The following EML4 variants were observed in gnomAD, a reference collection of about 807,000 sequenced individuals.
EML4 encodes the protein echinoderm microtubule-associated protein-like 4.
Under a neutral mutation model 129.0 loss-of-function variants are expected in EML4, and 72 were observed. That is an observed-to-expected ratio of 0.56 (90% CI 0.46 to 0.68). The LOEUF (loss-of-function observed/expected upper bound fraction) is 0.68. Ranked by LOEUF, EML4 falls within the 30% of genes least tolerant of loss-of-function variation. The probability of loss-of-function intolerance (pLI) is 0.00; values close to 1 mark genes in which losing one functional copy is unlikely to be tolerated. For missense variants in EML4, 1,363 were observed against 1,190.6 expected (o/e 1.14, Z -2.13); for synonymous variants, 532 against 405.0 (o/e 1.31, Z -3.77).
chr2:42,265,886 G>A (rs144822916), intron 6 of EML4, among the ~76,000 whole-genome samples: 3 of 152,148 alleles, frequency 2.0e-5, no homozygotes, highest in Admixed American at 6.5e-5. Flanking sequence ...TGGCGAATGC[G>A]TATTTAATTT....
At chr2:42,329,618 T>C (rs986485107) in intron 22 of EML4, 116 bp from the exon 23 acceptor site, 18 of 757,560 alleles carry the variant, frequency 2.4e-5, no homozygotes, top group East Asian at 2.1e-4. Context: ...TGGCTTTAAA[T>C]TGGATTGCCC....
chr2:42,179,134 T>TG (rs1219731809), intron 1 of EML4, among the ~76,000 whole-genome samples: 1 of 152,180 alleles, frequency 6.6e-6, no homozygotes, highest in Non-Finnish European at 1.5e-5. Flanking sequence ...TCTCTGCATG[T>TG]GATACCCAGA....
At chr2:42,230,555 T>A (rs1674267910) in intron 1 of EML4, among the ~76,000 whole-genome samples, 1 of 152,074 alleles carries the variant, frequency 6.6e-6, no homozygotes, top group Non-Finnish European at 1.5e-5. Context: ...TACAGGTGTG[T>A]GCCACCATCC....
intron 5 of EML4, among the ~76,000 whole-genome samples, chr2:42,264,136 G>A (rs550684196): frequency 1.8e-5 from 2 of 111,554 alleles, no homozygotes; most frequent in African/African-American, 3.1e-5. Context: ...TTTTGAGACA[G>A]TGTCTCAGTC....
chr2:42,248,911 T>C (rs148281612), intron 2 of EML4, among the ~76,000 whole-genome samples: 12 of 152,296 alleles, frequency 7.9e-5, no homozygotes, highest in African/African-American at 2.9e-4. Context: ...TGGAAAAATA[T>C]GTCCAACTAA....
At chr2:42,222,295 G>T (rs947584184) in intron 1 of EML4, among the ~76,000 whole-genome samples, 1 of 151,806 alleles carries the variant, frequency 6.6e-6, no homozygotes, top group Non-Finnish European at 1.5e-5. Flanking sequence ...TTTCCATATC[G>T]GGTTGACAAA....
chr2:42,218,976 T>C (rs749518948), intron 1 of EML4, among the ~76,000 whole-genome samples: 1 of 152,196 alleles, frequency 6.6e-6, no homozygotes, highest in Non-Finnish European at 1.5e-5. Context: ...GTAAAAACTT[T>C]TAATGTAAGG....
intron 1 of EML4, among the ~76,000 whole-genome samples, chr2:42,194,131 AAGAT>A (rs1169888929): frequency 6.6e-6 from 1 of 152,248 alleles, no homozygotes; most frequent in Admixed American, 6.5e-5. Flanking sequence ...TATACACAAA[AAGAT>A]AGTCATCATA....
chr2:42,290,284 G>A (rs1667560637), intron 11 of EML4, among the ~76,000 whole-genome samples: 1 of 152,022 alleles, frequency 6.6e-6, no homozygotes, highest in Non-Finnish European at 1.5e-5. Flanking sequence ...CTATAGATGA[G>A]CTCCATCCTT....
intron 6 of EML4, among the ~76,000 whole-genome samples, chr2:42,267,797 T>A (rs1231885155): frequency 4.6e-5 from 7 of 152,168 alleles, no homozygotes; most frequent in African/African-American, 1.4e-4. Context: ...AAACCTAAAC[T>A]TTTTTTCATT....
At chr2:42,274,196 TCCTA>T (rs1666528876) in intron 6 of EML4, among the ~76,000 whole-genome samples, 1 of 152,210 alleles carries the variant, frequency 6.6e-6, no homozygotes, top group Admixed American at 6.5e-5. Context: ...CATCATACTC[TCCTA>T]CCTTTCAGTT....
At chr2:42,246,210 G>T (rs1440691084) in intron 2 of EML4, among the ~76,000 whole-genome samples, 1 of 152,166 alleles carries the variant, frequency 6.6e-6, no homozygotes, top group Non-Finnish European at 1.5e-5. Flanking sequence ...AGTTTTCAAG[G>T]TTGAGACAAA....
intron 3 of EML4, among the ~76,000 whole-genome samples, chr2:42,260,312 C>A (rs570068437): frequency 6.6e-6 from 1 of 152,164 alleles, no homozygotes; most frequent in Non-Finnish European, 1.5e-5. Flanking sequence ...GGATTACAGG[C>A]ACATGCCACT....
chr2:42,215,033 C>A (rs916307270), intron 1 of EML4, among the ~76,000 whole-genome samples: 1 of 152,214 alleles, frequency 6.6e-6, no homozygotes, highest in South Asian at 2.1e-4. Context: ...GCTAGCTATA[C>A]TACAAGATCT....
chr2:42,306,259 CTG>C (rs1375078705), intron 17 of EML4, among the ~76,000 whole-genome samples: 3 of 152,072 alleles, frequency 2.0e-5, no homozygotes, highest in African/African-American at 2.4e-5. Context: ...TGACAGGTAA[CTG>C]TAGGATTTGG....
intron 1 of EML4, among the ~76,000 whole-genome samples, chr2:42,243,979 C>T (rs1025732401): frequency 1.3e-5 from 2 of 148,376 alleles, no homozygotes; most frequent in Admixed American, 6.7e-5. Context: ...TAAAACTTGC[C>T]CTCAGTGTAA....
intron 6 of EML4, among the ~76,000 whole-genome samples, chr2:42,265,853 A>G (rs1666031921): frequency 6.6e-6 from 1 of 152,170 alleles, no homozygotes; most frequent in South Asian, 2.1e-4. Flanking sequence ...GCTTGTTCAG[A>G]CCAAAAAAAG....
At chr2:42,291,472 C>T (rs1179167238) in intron 11 of EML4, among the ~76,000 whole-genome samples, 1 of 143,910 alleles carries the variant, frequency 6.9e-6, no homozygotes, top group African/African-American at 2.6e-5. Context: ...ATGATCTTGG[C>T]TCACTGCTGC....
At chr2:42,243,996 G>A (rs978153555) in intron 1 of EML4, among the ~76,000 whole-genome samples, 2 of 103,966 alleles carry the variant, frequency 1.9e-5, no homozygotes, top group African/African-American at 4.1e-5. Context: ...GTAAGCCAAC[G>A]GTGTTTTTAA....
Sources: allele counts gnomAD v4.1 joint callset (sites outside exome capture counted in the v4.1 genomes callset), GRCh38; gene constraint gnomAD v4.1.1; transcripts MANE v1.5; gene names NCBI Gene and HGNC (gene_info 2026-07-23, HGNC 2026-07-21).